Variants in SGCZ observed in about 807,000 individuals in gnomAD.
SGCZ encodes the protein zeta-sarcoglycan.
In SGCZ, 40 loss-of-function variants were observed where a neutral mutation model predicts 41.3. The observed-to-expected ratio is 0.97, with a 90% CI of 0.75 to 1.26. The LOEUF is 1.26. Among genes scored for constraint, SGCZ ranks in the 50% most tolerant of loss-of-function variants. SGCZ has a pLI of 0.00. For missense variants in SGCZ, 552 were observed against 369.8 expected (o/e 1.49, Z -4.04); for synonymous variants, 206 against 137.5 (o/e 1.50, Z -3.49).
chr8:14,347,250 C>T (rs1444181342), intron 2 of SGCZ, among the ~76,000 whole-genome samples: 1 of 152,082 alleles, frequency 6.6e-6, no homozygotes, highest in Admixed American at 6.6e-5. Flanking sequence ...CGAGTGTGGC[C>T]TCTGGCAGAA....
intron 1 of SGCZ, among the ~76,000 whole-genome samples, chr8:15,236,730 G>T (rs1240657499): frequency 1.3e-5 from 2 of 152,162 alleles, no homozygotes; most frequent in Non-Finnish European, 2.9e-5. Flanking sequence ...GCAGAGGGGC[G>T]CGTTGTCACC....
intron 1 of SGCZ, among the ~76,000 whole-genome samples, chr8:14,951,344 C>T (rs1348403331): frequency 6.6e-6 from 1 of 151,878 alleles, no homozygotes; most frequent in African/African-American, 2.4e-5. Flanking sequence ...TGTATGTGAA[C>T]TCAAGATTTC....
At position 14,257,217 on chromosome 8, in the gene SGCZ, C is replaced by T. The variant is rs527590791; in HGVS notation, c.337-19538G>A. On this transcript the variant is annotated intron_variant, in intron 3 of 7. Coordinates refer to ENST00000382080, the MANE Select transcript of SGCZ (RefSeq NM_139167.4). ...TGGTACACACCTGTAGTCTCACCTACTTGGGAGGCTGAGATGGGAGGATCA... is the reference window on the plus strand; with the variant it reads ...TGGTACACACCTGTAGTCTCACCTATTTGGGAGGCTGAGATGGGAGGATCA... 4.3e-4 allele frequency among the ~76,000 whole-genome samples: 65 copies of T among 152,044 alleles called. 3 individuals carry two copies. The South Asian group carries it at 0.013, about 31-fold the overall frequency.
At chr8:14,792,407 T>C (rs539313178) in intron 1 of SGCZ, among the ~76,000 whole-genome samples, 3 of 152,276 alleles carry the variant, frequency 2.0e-5, no homozygotes, top group Non-Finnish European at 4.4e-5. Context: ...ATTAAGTCTC[T>C]CTTTAGAAAC....
rs556720758 is a variant in SGCZ, at chr8:14,513,405, T to A, written c.234+41327A>T. The stretch of plus-strand genomic sequence containing the variant: ...TACTGTTGTGTTAGAGAAAAATTGT[T>A]TTCAAAGACCAAAATAAAAGAGCAA... On this transcript the variant is annotated intron_variant, in intron 2 of 7. Transcript: ENST00000382080. Among the ~76,000 whole-genome samples the A allele has an allele frequency of 2.0e-5, 3 of 152,164 alleles. No individual in the cohort carries two copies. In the East Asian group the frequency reaches 5.8e-4, roughly 29 times the overall value.
intron 2 of SGCZ, among the ~76,000 whole-genome samples, chr8:14,505,152 A>G (rs757845110): frequency 3.5e-4 from 53 of 152,148 alleles, no homozygotes; most frequent in Non-Finnish European, 7.1e-4. Context: ...CCATCCACCC[A>G]TCCCAAAAAT....
chr8:14,786,177 C>G (rs955476970), intron 1 of SGCZ, among the ~76,000 whole-genome samples: 1 of 152,064 alleles, frequency 6.6e-6, no homozygotes, highest in Admixed American at 6.6e-5. Flanking sequence ...CATTAGTTCT[C>G]GTTTTGTCTT....
At chr8:14,332,915 A>G (rs969044854) in intron 2 of SGCZ, among the ~76,000 whole-genome samples, 2 of 138,200 alleles carry the variant, frequency 1.4e-5, no homozygotes, top group East Asian at 4.2e-4. Context: ...CTATACACAC[A>G]TATATATACA....
intron 1 of SGCZ, among the ~76,000 whole-genome samples, chr8:14,826,169 T>G (rs192834465): frequency 2.0e-3 from 298 of 148,012 alleles, no homozygotes; most frequent in African/African-American, 6.9e-3. Flanking sequence ...CACCTATGAG[T>G]GAGAACATGC....
intron 2 of SGCZ, among the ~76,000 whole-genome samples, chr8:14,554,215 G>A (rs1274034837): frequency 2.0e-5 from 3 of 151,966 alleles, no homozygotes; most frequent in Non-Finnish European, 2.9e-5. Context: ...ACCATCTGAT[G>A]GCAATTATAG....
intron 1 of SGCZ, among the ~76,000 whole-genome samples, chr8:14,679,364 T>C (rs1025063849): frequency 2.6e-5 from 4 of 151,986 alleles, no homozygotes; most frequent in African/African-American, 7.2e-5. Context: ...ATGCCTGTTA[T>C]TGGCCCTGAA....
chr8:14,726,342 A>ATATATATATATATATAT (rs1810056850), intron 1 of SGCZ, among the ~76,000 whole-genome samples: 2 of 144,608 alleles, frequency 1.4e-5, no homozygotes, highest in Non-Finnish European at 3.0e-5. Flanking sequence ...ATATATATAT[A>ATATATATATATATATAT]AAATTAGATA....
intron 2 of SGCZ, among the ~76,000 whole-genome samples, chr8:14,553,221 G>A (rs757531154): frequency 5.9e-5 from 9 of 151,956 alleles, no homozygotes; most frequent in South Asian, 2.1e-4. Context: ...GTTGATATTT[G>A]TGTCAAAATA....
In SGCZ at chr8:14,312,269, C is replaced by A. The variant is rs564656797; in HGVS notation, c.336+11834G>T. Among the ~76,000 whole-genome samples the A allele has an allele frequency of 8.5e-5, 13 of 152,232 alleles. No homozygotes were observed. The South Asian group carries it at 2.1e-3, about 24-fold the overall frequency. ...TCAAAAAAGATTGAAAAACACTAAA[C>A]TAGTTTAAGTACTGCTAATATATTT... On this transcript the variant is annotated intron_variant, in intron 3 of 7. Coordinates refer to ENST00000382080, the MANE Select transcript of SGCZ (RefSeq NM_139167.4).
chr8:14,333,494 T>C (rs1802406939), intron 2 of SGCZ, among the ~76,000 whole-genome samples: 2 of 152,002 alleles, frequency 1.3e-5, no homozygotes, highest in Admixed American at 1.3e-4. Flanking sequence ...CTGTGCTTAA[T>C]AGAATACCAG....
At chr8:14,687,632 G>C (rs993853466) in intron 1 of SGCZ, among the ~76,000 whole-genome samples, 40 of 151,828 alleles carry the variant, frequency 2.6e-4, no homozygotes, top group Admixed American at 2.1e-3. Flanking sequence ...CTTTGCTATT[G>C]TGAATAGTGC....
chr8:14,148,547 T>A (rs1803598911), intron 5 of SGCZ, among the ~76,000 whole-genome samples: 1 of 151,748 alleles, frequency 6.6e-6, no homozygotes, highest in Non-Finnish European at 1.5e-5. Flanking sequence ...TAAAAAAAAA[T>A]CTACCAGTAA....
chr8:14,757,209 C>T (rs563993424), intron 1 of SGCZ, among the ~76,000 whole-genome samples: 3 of 152,112 alleles, frequency 2.0e-5, no homozygotes, highest in Non-Finnish European at 4.4e-5. Flanking sequence ...CCACCACACC[C>T]AGCTAATGTT....
At chr8:14,358,209 G>T (rs1316501515) in intron 2 of SGCZ, among the ~76,000 whole-genome samples, 1 of 152,102 alleles carries the variant, frequency 6.6e-6, no homozygotes, top group Non-Finnish European at 1.5e-5. Context: ...TGGGCTAAAT[G>T]ACTAGATCTA....
Sources: gnomAD v4.1 joint callset for allele counts (sites outside exome capture counted in the v4.1 genomes callset) on GRCh38, gnomAD v4.1.1 for gene constraint, MANE v1.5 for transcripts, NCBI Gene and HGNC (gene_info 2026-07-23, HGNC 2026-07-21) for gene names.